Variants in SART3 observed in about 807,000 individuals in gnomAD.
The protein encoded by SART3 is spliceosome associated factor 3, U4/U6 recycling protein.
A neutral mutation model predicts 122.3 loss-of-function variants in SART3; 44 were observed. The observed-to-expected ratio is 0.36, with a 90% CI of 0.28 to 0.46. SART3 has a LOEUF of 0.46. SART3 is among the 20% of genes least tolerant of loss of function. The pLI, the probability that SART3 is intolerant of heterozygous loss-of-function variation, is 1.00. For missense variants in SART3, 1,101 were observed against 1,229.0 expected, an observed-to-expected ratio of 0.90 and a Z score of 1.56; for synonymous variants, 442 against 454.0, an observed-to-expected ratio of 0.97 and a Z score of 0.34.
intron 6 of SART3, among the ~76,000 whole-genome samples, chr12:108,541,534 G>A (rs1217725888): frequency 4.6e-5 from 7 of 152,062 alleles, no homozygotes; most frequent in Non-Finnish European, 1.5e-5. Flanking sequence ...AGGGAAATGG[G>A]TCAAAGACTT....
rs1355337507 is a variant in SART3 at position 108,560,920 on chromosome 12, A to G, written c.235T>C (p.Ser79Pro). Residue 79 changes from serine to proline, a missense_variant, in exon 1 of 19, where the codon TCC becomes CCC. By Grantham distance (74) the Ser-to-Pro change is moderately conservative. Transcript: ENST00000546815. ...TATTCCCACTCGTACTCCCCGGGGG[A>G]GCTCTCCGCGGAGGAAGCCATGGCG... ...EYAMASSAES[S>P]PGEYEWEYDE... 6.2e-7 allele frequency: 1 copy of G among 1,612,868 alleles called. No individual in the cohort carries two copies. Among genetic ancestry groups the G allele is most frequent in the Non-Finnish European group, 8.5e-7 (1 of 1,179,674 alleles).
At chr12:108,523,785 G>A (rs1872242754) in intron 18 of SART3, 151 bp from the exon 19 acceptor site, 8 of 765,240 alleles carry the variant, frequency 1.0e-5, no homozygotes, top group Non-Finnish European at 1.7e-5. Flanking sequence ...CCTTAATTCT[G>A]TTTATGAAGT....
Position 108,537,748 on chromosome 12 carries a change from A to G in SART3, c.1202-153T>C, listed in dbSNP as rs538540301. The G allele has an allele frequency of 1.6e-5, 12 of 731,440 alleles. No homozygotes were observed. In the South Asian group the frequency reaches 1.7e-4, roughly 10 times the overall value. 45.3% of individuals were successfully genotyped at this position (731,440 alleles called of 1,614,324 possible). A position where few individuals can be genotyped will look rare whatever the true frequency, so the allele number is the denominator to read the frequency against. On this transcript the variant is annotated intron_variant, in intron 8 of 18. Transcript: ENST00000546815. ...GCTAGACAGGAATGTTGAAGACAGAAGTTGCTACAGCACTCTACAGACTGT... is the reference window on the plus strand; with the variant it reads ...GCTAGACAGGAATGTTGAAGACAGAGGTTGCTACAGCACTCTACAGACTGT...
intron 2 of SART3, 130 bp downstream of exon 2, chr12:108,548,958 T>A: frequency 7.3e-7 from 1 of 1,363,754 alleles, no homozygotes; most frequent in Non-Finnish European, 1.0e-6. Flanking sequence ...CTAACTCTGA[T>A]GCGTTTTCTT....
In SART3 at chr12:108,542,850, A is replaced by T. The variant is rs759717763; in HGVS notation, c.906+178T>A. Reference sequence around the variant, plus strand: ...GGTACTGGCAATGTTCTATTTCTTAACCTGGGTGGTAGGTACATGGATGTT... The same window carrying T: ...GGTACTGGCAATGTTCTATTTCTTATCCTGGGTGGTAGGTACATGGATGTT... On this transcript the variant is annotated intron_variant, in intron 6 of 18. Coordinates refer to ENST00000546815, the MANE Select transcript of SART3 (RefSeq NM_014706.4). The T allele has an allele frequency of 3.4e-6, 3 of 870,016 alleles. No homozygotes were observed. In the African/African-American group the frequency reaches 5.0e-5, roughly 14 times the overall value. The allele number at this position is 870,016 out of a possible 1,614,324, so 53.9% of individuals were successfully genotyped here.
rs866054459 is a variant in SART3, at chr12:108,537,812, A to G, written c.1202-217T>C. ...CTTCTTCCACAAGACGCCCTGCAAG[A>G]AAAGTTCCAGATCAAGGAAGTTTGG... On this transcript the variant is annotated intron_variant, in intron 8 of 18. Transcript: ENST00000546815. 1.8e-5 allele frequency: 12 copies of G among 663,166 alleles called. No homozygotes were observed. In the African/African-American group the frequency reaches 2.2e-4, roughly 12 times the overall value. The allele number at this position is 663,166 out of a possible 1,614,324, so 41.1% of individuals were successfully genotyped here.
intron 13 of SART3, chr12:108,531,573 A>C (rs1215229216): frequency 2.9e-6 from 1 of 345,228 alleles, no homozygotes; most frequent in African/African-American, 2.1e-5. Flanking sequence ...TTATATTAAG[A>C]CTGAAGAATT....
chr12:108,545,018 G>C, intron 4 of SART3, 121 bp downstream of exon 4: 1 of 1,040,358 alleles, frequency 9.6e-7, no homozygotes, highest in Non-Finnish European at 1.5e-6. Context: ...GATTGGCAAA[G>C]ACCATTTTGT....
rs555837839 is a variant in SART3, at chr12:108,556,813, A to C, written c.312+4030T>G. ...CACTTTCTTCATTAAAGAACATTCA[A>C]GGCTCTCCCCACCACATCACCAGTC... On this transcript the variant is annotated intron_variant, in intron 1 of 18. Coordinates refer to ENST00000546815, the MANE Select transcript of SART3 (RefSeq NM_014706.4). 2.0e-5 allele frequency among the ~76,000 whole-genome samples: 3 copies of C among 152,346 alleles called. No homozygotes were observed. In the South Asian group the frequency reaches 6.2e-4, roughly 32 times the overall value.
intron 13 of SART3, 158 bp downstream of exon 13, chr12:108,532,064 A>C (rs2136669005): frequency 1.5e-6 from 1 of 661,840 alleles, no homozygotes; most frequent in Admixed American, 2.1e-5. Context: ...CTGCAGGAGG[A>C]CTCATTTTCA....
intron 12 of SART3, among the ~76,000 whole-genome samples, chr12:108,532,892 T>A (rs1593236760): frequency 6.6e-6 from 1 of 152,278 alleles, no homozygotes; most frequent in East Asian, 1.9e-4. Context: ...TAGCTGGGAT[T>A]ACAGGTGCCC....
chr12:108,542,306 A>G (rs1248366483), intron 6 of SART3, among the ~76,000 whole-genome samples: 1 of 152,256 alleles, frequency 6.6e-6, no homozygotes, highest in Non-Finnish European at 1.5e-5. Context: ...GGCACAAGCA[A>G]CGAGAACTCT....
At chr12:108,535,179 A>G (rs561879973) in intron 12 of SART3, among the ~76,000 whole-genome samples, 180 bp downstream of exon 12, 20 of 152,312 alleles carry the variant, frequency 1.3e-4, no homozygotes, top group African/African-American at 4.8e-4. Context: ...CAGGCACAAA[A>G]TATCATGTCT....
intron 1 of SART3, among the ~76,000 whole-genome samples, chr12:108,557,940 C>T (rs1226207374): frequency 1.3e-5 from 2 of 152,098 alleles, no homozygotes; most frequent in Non-Finnish European, 1.5e-5. Flanking sequence ...GAGGCAGGAG[C>T]ATCACTTCAG....
At position 108,550,799 on chromosome 12, in the gene SART3, T is replaced by C. The variant is rs371810688; in HGVS notation, c.313-1585A>G. Among the ~76,000 whole-genome samples the C allele has an allele frequency of 8.5e-5, 13 of 152,120 alleles. No individual in the cohort carries two copies. The South Asian group carries it at 1.5e-3, about 17-fold the overall frequency. ...ATTGCTTGAACCCGGGAGGCGGAGG[T>C]TGCAGTGAGCAGAGATCCAGCCTGG... On this transcript the variant is annotated intron_variant, in intron 1 of 18. Coordinates refer to ENST00000546815, the MANE Select transcript of SART3 (RefSeq NM_014706.4).
chr12:108,548,068 A>G, intron 2 of SART3, 77 bp from the exon 3 acceptor site: 1 of 1,234,344 alleles, frequency 8.1e-7, no homozygotes, highest in Non-Finnish European at 1.2e-6. Flanking sequence ...AGACATCAGC[A>G]TGCAAACGTT....
chr12:108,526,232 C>G lies in SART3; in HGVS notation c.2237G>C (p.Arg746Pro). 6.2e-7 allele frequency: 1 copy of G among 1,614,230 alleles called. No individual in the cohort carries two copies. The highest frequency in any genetic ancestry group is 8.5e-7 in the Non-Finnish European group (1 of 1,180,052). The part of the protein sequence containing the change: ...RPIFSNRGDF[R>P]GYCYVEFKEE... Reference sequence around the variant, plus strand: ...TTTAAACTCCACGTAGCAGTAACCTCGGAAATCCCCACGGTTGCTGAAGAT... The same window carrying G: ...TTTAAACTCCACGTAGCAGTAACCTGGGAAATCCCCACGGTTGCTGAAGAT... The change falls in exon 16 of 19, where the codon CGA becomes CCA. Residue 746 changes from arginine (R) to proline (P), a missense_variant. Around this residue, in one of 2 missense-constraint regions of SART3, gnomAD observed 885 missense variants for 1,080.1 expected, o/e 0.82. Coordinates refer to ENST00000546815, the MANE Select transcript of SART3 (RefSeq NM_014706.4).
At chr12:108,545,102 A>T in intron 4 of SART3, 37 bp downstream of exon 4, 1 of 1,598,174 alleles carries the variant, frequency 6.3e-7, no homozygotes, top group Non-Finnish European at 8.6e-7. Flanking sequence ...TTACAAAGAC[A>T]GCCCCAACCC....
intron 3 of SART3, among the ~76,000 whole-genome samples, chr12:108,546,238 C>T (rs1229249711): frequency 6.6e-6 from 1 of 152,116 alleles, no homozygotes; most frequent in African/African-American, 2.4e-5. Context: ...CTCGTTCTGT[C>T]GCCCAGGCTA....
Sources: gnomAD v4.1 joint callset for allele counts (sites outside exome capture counted in the v4.1 genomes callset) on GRCh38, gnomAD v4.1.1 for gene constraint, gnomAD v4.1.1 regional missense constraint, MANE v1.5 for transcripts, NCBI Gene and HGNC (gene_info 2026-07-23, HGNC 2026-07-21) for gene names.